PCSK5: variants seen among roughly 807,000 people sequenced by gnomAD.
The protein encoded by PCSK5 is prohormone convertase 5.
A neutral mutation model predicts 233.2 loss-of-function variants in PCSK5; 129 were observed. The ratio of observed to expected loss-of-function variants is 0.55; its 90% confidence interval spans 0.48 to 0.64. PCSK5 has a LOEUF of 0.64. Ranked by LOEUF, PCSK5 falls within the 30% of genes least tolerant of loss-of-function variation. The probability of loss-of-function intolerance (pLI) is 0.00; values close to 1 mark genes in which losing one functional copy is unlikely to be tolerated. For missense variants in PCSK5, 2,076 were observed against 2,430.1 expected (o/e 0.85, Z 3.06); for synonymous variants, 825 against 879.2 (o/e 0.94, Z 1.09).
intron 20 of PCSK5, among the ~76,000 whole-genome samples, chr9:76,219,019 C>A (rs1177762368): frequency 6.6e-6 from 1 of 152,168 alleles, no homozygotes; most frequent in African/African-American, 2.4e-5. Flanking sequence ...CTGGGCAAAC[C>A]TGCGGATCTC....
In PCSK5 at chr9:75,989,495, T is replaced by TAA. The variant is rs72388137; in HGVS notation, c.411+3262_411+3263dup. 1.1e-4 allele frequency among the ~76,000 whole-genome samples: 16 copies of TAA among 145,446 alleles called. No homozygotes were observed. In the East Asian group the frequency reaches 2.4e-3, roughly 22 times the overall value. ...GGTGACAGAATGAGACCCCCTCAAA[T>TAA]AAAAAAAAAAAAACAATTATCTCAT... is the stretch of plus-strand genomic sequence containing the variant. On this transcript the variant is annotated intron_variant, in intron 3 of 37. Coordinates refer to ENST00000674117, the MANE Select transcript of PCSK5 (RefSeq NM_001372043.1).
intron 5 of PCSK5, among the ~76,000 whole-genome samples, chr9:76,028,115 A>G (rs1207594939): frequency 6.6e-6 from 1 of 152,236 alleles, no homozygotes; most frequent in Non-Finnish European, 1.5e-5. Flanking sequence ...TGAACAACCA[A>G]GTAAATCTTC....
At chr9:76,355,578 C>CA (rs1481815538) in intron 37 of PCSK5, among the ~76,000 whole-genome samples, 1 of 152,186 alleles carries the variant, frequency 6.6e-6, no homozygotes, top group Non-Finnish European at 1.5e-5. Context: ...CATTCACTGA[C>CA]AAAAAGCGAT....
At chr9:76,048,493 T>G (rs1264819796) in intron 5 of PCSK5, among the ~76,000 whole-genome samples, 2 of 152,342 alleles carry the variant, frequency 1.3e-5, no homozygotes, top group East Asian at 1.9e-4. Flanking sequence ...CGTGTGTACC[T>G]GAGGATGTAT....
chr9:76,163,463 C>A (rs950952060), intron 12 of PCSK5, among the ~76,000 whole-genome samples: 1 of 152,220 alleles, frequency 6.6e-6, no homozygotes, highest in African/African-American at 2.4e-5. Flanking sequence ...CCCATTAGCC[C>A]GGCGTGCATG....
chr9:76,151,177 A>C (rs1823659044), intron 10 of PCSK5, among the ~76,000 whole-genome samples: 1 of 152,092 alleles, frequency 6.6e-6, no homozygotes, highest in Admixed American at 6.6e-5. Flanking sequence ...GGGAGCAGTT[A>C]TTTCAGAGCA....
At chr9:76,141,046 A>G (rs1823197686) in intron 10 of PCSK5, among the ~76,000 whole-genome samples, 1 of 152,144 alleles carries the variant, frequency 6.6e-6, no homozygotes, top group East Asian at 1.9e-4. Context: ...CTTAATAACA[A>G]CAACTCTTAA....
chr9:76,332,365 G>C, intron 33 of PCSK5, 68 bp from the exon 34 acceptor site: 1 of 1,217,474 alleles, frequency 8.2e-7, no homozygotes, highest in Non-Finnish European at 1.2e-6. Flanking sequence ...TGGTACACAA[G>C]AGGGAAAATA....
chr9:76,247,622 C>T (rs866025051), intron 24 of PCSK5, among the ~76,000 whole-genome samples: 3 of 152,042 alleles, frequency 2.0e-5, no homozygotes, highest in South Asian at 4.1e-4. Context: ...TCTCTCACTA[C>T]CTTTGTGGTA....
In PCSK5 at chr9:76,217,787, G is replaced by A. The variant is rs192483226; in HGVS notation, c.2627-9716G>A. On this transcript the variant is annotated intron_variant, in intron 20 of 37. Transcript: ENST00000674117. ...AGTCCTGGATTCCACACTCTGGACA[G>A]CCTAAAGCTCTGATAGGATGCAAAC... 5.9e-3 allele frequency among the ~76,000 whole-genome samples: 905 copies of A among 152,308 alleles called. 8 individuals carry two copies. Among genetic ancestry groups the A allele is most frequent in the African/African-American group, 0.02 (838 of 41,566 alleles).
intron 2 of PCSK5, among the ~76,000 whole-genome samples, chr9:75,949,256 G>A (rs1824732336): frequency 6.6e-6 from 1 of 151,396 alleles, no homozygotes; most frequent in Non-Finnish European, 1.5e-5. Context: ...TTTAAGACTA[G>A]GGTTAAGAAT....
intron 19 of PCSK5, 119 bp downstream of exon 19, chr9:76,189,342 C>CA (rs1824255617): frequency 1.2e-6 from 1 of 827,018 alleles, no homozygotes; most frequent in Non-Finnish European, 1.9e-6. Context: ...TAAACATGTA[C>CA]CTGTGGACAC....
At chr9:76,281,590 T>A (rs1827865176) in intron 24 of PCSK5, among the ~76,000 whole-genome samples, 1 of 152,214 alleles carries the variant, frequency 6.6e-6, no homozygotes, top group African/African-American at 2.4e-5. Context: ...AATGTTGTTT[T>A]CATACCTGCT....
At chr9:76,159,930 C>A (rs1462937860) in intron 12 of PCSK5, among the ~76,000 whole-genome samples, 1 of 148,502 alleles carries the variant, frequency 6.7e-6, no homozygotes, top group African/African-American at 2.5e-5. Flanking sequence ...TCAAGCGATT[C>A]CCCTACCTCA....
chr9:76,009,378 A>G (rs932868100), intron 3 of PCSK5, among the ~76,000 whole-genome samples: 3 of 151,876 alleles, frequency 2.0e-5, no homozygotes, highest in African/African-American at 7.3e-5. Context: ...AAATCCTACT[A>G]CCCACTTTGG....
At chr9:76,205,302 C>T in intron 20 of PCSK5, 1 of 517,612 alleles carries the variant, frequency 1.9e-6, no homozygotes. Context: ...CCCGCCTATG[C>T]TGTTCCCACA....
intron 1 of PCSK5, among the ~76,000 whole-genome samples, chr9:75,911,201 G>GTTTTTTTTTTTTTTTTT (rs71370772): frequency 3.1e-4 from 15 of 48,760 alleles, no homozygotes; most frequent in Non-Finnish European, 4.2e-4. Flanking sequence ...GAACATATAG[G>GTTTTTTTTTTTTTTTTT]TTTTTTTTTT....
intron 5 of PCSK5, among the ~76,000 whole-genome samples, chr9:76,046,184 T>G (rs1033365670): frequency 1.7e-5 from 2 of 120,958 alleles, no homozygotes; most frequent in Non-Finnish European, 3.3e-5. Context: ...TTTTTTTTTT[T>G]TTTTTTTTTT....
chr9:76,272,767 C>G (rs868112905), intron 24 of PCSK5, among the ~76,000 whole-genome samples: 1 of 71,388 alleles, frequency 1.4e-5, no homozygotes, highest in Non-Finnish European at 2.7e-5. Context: ...GAGTGAGACT[C>G]CATCTCAAAA....
Sources: gnomAD v4.1 joint callset for allele counts (sites outside exome capture counted in the v4.1 genomes callset) on GRCh38, gnomAD v4.1.1 for gene constraint, MANE v1.5 for transcripts, NCBI Gene and HGNC (gene_info 2026-07-23, HGNC 2026-07-21) for gene names.